The following CACNA1C variants were observed in gnomAD, a reference collection of about 807,000 sequenced individuals.
CACNA1C encodes calcium voltage-gated channel subunit alpha1 C.
A neutral mutation model predicts 229.0 loss-of-function variants in CACNA1C; 30 were observed. That is an observed-to-expected ratio of 0.13 (90% CI 0.10 to 0.18). The LOEUF is 0.18. CACNA1C is among the 10% of genes least tolerant of loss of function. CACNA1C has a pLI of 1.00. For synonymous variants in CACNA1C, 1,114 were observed against 1,132.5 expected (o/e 0.98, Z 0.33); for missense variants, 1,658 against 2,845.0 (o/e 0.58, Z 9.49).
At chr12:2,090,814 A>AC (rs2070496332) in intron 1 of CACNA1C, among the ~76,000 whole-genome samples, 1 of 152,188 alleles carries the variant, frequency 6.6e-6, no homozygotes, top group African/African-American at 2.4e-5. Flanking sequence ...AGGAATCGCC[A>AC]TACAGTTTTC....
intron 3 of CACNA1C, among the ~76,000 whole-genome samples, chr12:2,252,950 A>G (rs7309075): frequency 0.045 from 6,694 of 149,740 alleles, 173 homozygotes; most frequent in Middle Eastern, 0.068. Flanking sequence ...AATATCATTT[A>G]CTCCCTACCC....
intron 3 of CACNA1C, among the ~76,000 whole-genome samples, chr12:2,220,314 GGC>G: frequency 2.0e-5 from 3 of 152,292 alleles, no homozygotes; most frequent in Admixed American, 6.5e-5. Context: ...AGAGTTGTGA[GGC>G]CTGTGCATGC....
At chr12:2,234,882 A>G (rs1245016923) in intron 3 of CACNA1C, among the ~76,000 whole-genome samples, 1 of 152,168 alleles carries the variant, frequency 6.6e-6, no homozygotes, top group Non-Finnish European at 1.5e-5. Context: ...ACAAAACAAT[A>G]GAAGTGACGA....
At chr12:2,341,874 G>A (rs2096874819) in intron 3 of CACNA1C, among the ~76,000 whole-genome samples, 1 of 152,174 alleles carries the variant, frequency 6.6e-6, no homozygotes, top group African/African-American at 2.4e-5. Context: ...TAACCTTAGT[G>A]GATTTCAGCC....
intron 10 of CACNA1C, among the ~76,000 whole-genome samples, chr12:2,553,007 A>AG (rs1251956003): frequency 3.3e-5 from 1 of 30,222 alleles, no homozygotes; most frequent in East Asian, 6.0e-4. Flanking sequence ...TCTGAAGAGG[A>AG]GAAGGGCGAC....
chr12:2,483,294 C>G (rs2099683809), intron 5 of CACNA1C, among the ~76,000 whole-genome samples: 2 of 152,226 alleles, frequency 1.3e-5, no homozygotes, highest in South Asian at 4.1e-4. Context: ...GACAGGGAGT[C>G]ACTGGGTGAC....
In CACNA1C at chr12:2,275,995, T is replaced by C. The variant is rs1469444201; in HGVS notation, c.477+155565T>C. On this transcript the variant is annotated intron_variant, in intron 3 of 46. Transcript: ENST00000399655. This position sits in a 1 kb window ranked among gnomAD's most constrained non-coding sequence, Gnocchi z 4.1. ...AAGGATGCCCATGTCCTTTTATGTA[T>C]GTAGATTATATGCACATACTACACC... Among the ~76,000 whole-genome samples the C allele has an allele frequency of 3.9e-5, 6 of 152,260 alleles. No individual in the cohort carries two copies. Among genetic ancestry groups the C allele is most frequent in the Non-Finnish European group, 8.8e-5 (6 of 68,046 alleles).
chr12:2,366,925 A>G (rs920596579), intron 3 of CACNA1C, among the ~76,000 whole-genome samples: 2 of 152,142 alleles, frequency 1.3e-5, no homozygotes, highest in African/African-American at 4.8e-5. Flanking sequence ...AGTGCTACAC[A>G]CTTTCAAACA....
At chr12:2,437,318 C>T (rs555271247) in intron 3 of CACNA1C, among the ~76,000 whole-genome samples, 1 of 152,254 alleles carries the variant, frequency 6.6e-6, no homozygotes, top group South Asian at 2.1e-4. Flanking sequence ...CAGTGTAGCC[C>T]CAACAAAGCC....
chr12:2,543,439 A>T (rs1375617977), intron 9 of CACNA1C, among the ~76,000 whole-genome samples: 1 of 152,178 alleles, frequency 6.6e-6, no homozygotes, highest in African/African-American at 2.4e-5. Flanking sequence ...ATGATTCTAA[A>T]CTTTCAACAA....
chr12:2,607,017 T>G lies in CACNA1C; in HGVS notation c.3243T>G (p.Val1081=), dbSNP rs755921411. Residue 1081 remains valine (V), a synonymous_variant, in exon 26 of 47, where the codon GTT becomes GTG. Transcript: ENST00000399655. ...GNYITYKDGE[V]DHPIIQPRSW... ...ACATCACGTACAAAGACGGGGAGGT[T>G]GACCACCCCATCATCCAACCCCGCA... 1.2e-6 allele frequency: 2 copies of G among 1,613,950 alleles called. No homozygotes were observed. Among genetic ancestry groups the G allele is most frequent in the Non-Finnish European group, 1.7e-6 (2 of 1,179,856 alleles).
At chr12:2,561,432 A>G (rs1385278094) in intron 11 of CACNA1C, among the ~76,000 whole-genome samples, 1 of 152,200 alleles carries the variant, frequency 6.6e-6, no homozygotes, top group Non-Finnish European at 1.5e-5. Flanking sequence ...GCTACTGAGT[A>G]TCTGGTGCCT....
intron 9 of CACNA1C, among the ~76,000 whole-genome samples, chr12:2,522,099 G>A (rs1044442458): frequency 6.6e-6 from 1 of 152,086 alleles, no homozygotes; most frequent in African/African-American, 2.4e-5. Flanking sequence ...TTCCTCCCCT[G>A]CTCCTCCGTG....
Position 2,677,652 on chromosome 12 carries a change from G to C in CACNA1C, c.4957-81G>C, listed in dbSNP as rs1030370898. Reference sequence around the variant, plus strand: ...GGATGCCAGGGCCCTGGAGGGACAGGTCTTGGCCCGAGGCTGTGGCTGGCT... The same window carrying C: ...GGATGCCAGGGCCCTGGAGGGACAGCTCTTGGCCCGAGGCTGTGGCTGGCT... On this transcript the variant is annotated intron_variant, in intron 40 of 46. Transcript: ENST00000399655. The surrounding 1 kb of genome is among the most constrained non-coding windows in gnomAD (Gnocchi z 7.4). 1 of 1,509,304 alleles carries C rather than the reference G, an allele frequency of 6.6e-7. No homozygotes were observed. Among genetic ancestry groups the C allele is most frequent in the East Asian group, 2.4e-5 (1 of 41,270 alleles). 93.5% of individuals were successfully genotyped at this position (1,509,304 alleles called of 1,614,324 possible). A position where few individuals can be genotyped will look rare whatever the true frequency, so the allele number is the denominator to read the frequency against.
chr12:2,641,690 C>A, intron 30 of CACNA1C: 1 of 702,296 alleles, frequency 1.4e-6, no homozygotes, highest in South Asian at 1.5e-5. Flanking sequence ...AGCTGCCCTT[C>A]TAATAGATCA....
chr12:2,185,948 G>T (rs866413959), intron 3 of CACNA1C, among the ~76,000 whole-genome samples: 1 of 151,802 alleles, frequency 6.6e-6, no homozygotes, highest in South Asian at 2.1e-4. Context: ...AGCGCCCAAT[G>T]CACACTTGTA....
At chr12:2,683,832 C>T (rs1025969280) in intron 43 of CACNA1C, among the ~76,000 whole-genome samples, 3 of 152,206 alleles carry the variant, frequency 2.0e-5, no homozygotes, top group East Asian at 1.9e-4. Context: ...CACAGTGAAG[C>T]GTGGCCAGGC....
chr12:2,064,407 C>T (rs1344941896), intron 1 of CACNA1C, among the ~76,000 whole-genome samples: 3 of 152,102 alleles, frequency 2.0e-5, no homozygotes, highest in Non-Finnish European at 2.9e-5. Flanking sequence ...GTGGCTGGGC[C>T]GAGTCCTCCC....
At chr12:2,199,174 C>T (rs2097512043) in intron 3 of CACNA1C, among the ~76,000 whole-genome samples, 1 of 152,114 alleles carries the variant, frequency 6.6e-6, no homozygotes, top group African/African-American at 2.4e-5. Flanking sequence ...TCCTCACTAC[C>T]CAATTTCTTT....
Sources: allele counts gnomAD v4.1 joint callset (sites outside exome capture counted in the v4.1 genomes callset), GRCh38; gene constraint gnomAD v4.1.1; non-coding constraint Gnocchi (gnomAD v3.1); transcripts MANE v1.5; gene names NCBI Gene and HGNC (gene_info 2026-07-23, HGNC 2026-07-21).